The following AASS variants were observed in gnomAD, a reference collection of about 807,000 sequenced individuals.
AASS encodes alpha-aminoadipic semialdehyde synthase, mitochondrial.
A neutral mutation model predicts 105.4 loss-of-function variants in AASS; 86 were observed. The observed-to-expected ratio is 0.82, with a 90% CI of 0.69 to 0.98. The LOEUF (loss-of-function observed/expected upper bound fraction) is 0.98. Among genes scored for constraint, AASS ranks in the 50% least tolerant of loss-of-function variants. The probability of loss-of-function intolerance (pLI) is 0.00; values close to 1 mark genes in which losing one functional copy is unlikely to be tolerated. For missense variants in AASS, 1,048 were observed against 1,143.2 expected (o/e 0.92, Z 1.20); for synonymous variants, 381 against 394.8 (o/e 0.96, Z 0.41).
chr7:122,076,385 T>C lies in AASS; in HGVS notation c.*104A>G. 3.7e-6 allele frequency: 3 copies of C among 815,870 alleles called. No individual in the cohort carries two copies. Among genetic ancestry groups the C allele is most frequent in the Non-Finnish European group, 4.3e-6 (2 of 462,194 alleles). 50.5% of individuals were successfully genotyped at this position (815,870 alleles called of 1,614,324 possible). On this transcript the variant is annotated 3_prime_UTR_variant, in exon 24 of 24. Transcript: ENST00000417368. ...AAAGTACATTGTGTTAACCAAAACA[T>C]ATTATGCTTTATACTTTAAAACAGC...
chr7:122,121,925 G>T (rs1795456784), intron 4 of AASS, among the ~76,000 whole-genome samples: 1 of 152,030 alleles, frequency 6.6e-6, no homozygotes, highest in Admixed American at 6.6e-5. Context: ...ATTGTCTTTG[G>T]AAATATATTG....
At chr7:122,119,941 G>A (rs945773779) in intron 4 of AASS, among the ~76,000 whole-genome samples, 1 of 152,246 alleles carries the variant, frequency 6.6e-6, no homozygotes, top group African/African-American at 2.4e-5. Flanking sequence ...GGTGGCCCCC[G>A]ATAAAGGTGG....
intron 10 of AASS, 26 bp downstream of exon 10, chr7:122,113,572 T>A: frequency 6.2e-7 from 1 of 1,612,138 alleles, no homozygotes; most frequent in Non-Finnish European, 8.5e-7. Flanking sequence ...GTGAGGAATA[T>A]CATCTAACAA....
At chr7:122,127,064 C>A (rs1584890015) in intron 3 of AASS, among the ~76,000 whole-genome samples, 2 of 152,156 alleles carry the variant, frequency 1.3e-5, no homozygotes, top group Admixed American at 6.5e-5. Context: ...TCCTTCTCCT[C>A]TCTTTTTCTT....
Position 122,098,518 on chromosome 7 carries a change from AACAGGATTAATATT to A in AASS, c.1573_1586del (p.Asn525Ter). The A allele has an allele frequency of 6.2e-7, 1 of 1,611,418 alleles. No individual in the cohort carries two copies. Among genetic ancestry groups the A allele is most frequent in the Non-Finnish European group, 8.5e-7 (1 of 1,178,156 alleles). On this transcript the variant is annotated frameshift_variant, in exon 15 of 24. Coordinates refer to ENST00000417368, the MANE Select transcript of AASS (RefSeq NM_005763.4). LOFTEE classifies it high-confidence loss of function. Reference sequence around the variant, plus strand: ...CTTCTTGTTTACAAATGTCCATGCTAACAGGATTAATATTATATTTCTTGCCTAACTGTTCAATT... The same window carrying A: ...CTTCTTGTTTACAAATGTCCATGCTAATATTTCTTGCCTAACTGTTCAATT...
chr7:122,101,407 T>A lies in AASS; in HGVS notation c.1370A>T (p.Asp457Val), dbSNP rs753077687. Residue 457 changes from aspartate to valine, a missense_variant, in exon 13 of 24, where the codon GAT (aspartate) becomes GTT (valine). Transcript: ENST00000417368. ...GAGTGTCTGGATATATTTATATTTA[T>A]CAGGTAATGTACCGTTGGATGTAAT... is the stretch of plus-strand genomic sequence containing the variant. ...AVITSNGTLP[D>V]KYKYIQTLRE... 14 of 1,610,310 alleles carry A rather than the reference T, an allele frequency of 8.7e-6. No homozygotes were observed. Among genetic ancestry groups the A allele is most frequent in the Non-Finnish European group, 1.2e-5 (14 of 1,177,208 alleles).
At chr7:122,087,472 G>C (rs1180635272) in intron 18 of AASS, among the ~76,000 whole-genome samples, 1 of 152,158 alleles carries the variant, frequency 6.6e-6, no homozygotes, top group Non-Finnish European at 1.5e-5. Flanking sequence ...CTACTAGACT[G>C]CAGAGTAAAC....
rs1280977000 is a variant in AASS, at chr7:122,133,701, A to T, written c.26T>A (p.Leu9Gln). Residue 9 changes from leucine (L) to glutamine (Q), a missense_variant, in exon 2 of 24, where the codon CTG becomes CAG. Transcript: ENST00000417368. MLQVHRTG[L>Q]GRLGVSLSKG... Reference sequence around the variant, plus strand: ...GGAGAGGCTGACCCCCAGCCTGCCCAGTCCAGTCCTATGTACTTGCAGCAT... The same window carrying T: ...GGAGAGGCTGACCCCCAGCCTGCCCTGTCCAGTCCTATGTACTTGCAGCAT... 2 of 1,614,190 alleles carry T rather than the reference A, an allele frequency of 1.2e-6. No homozygotes were observed. Among genetic ancestry groups the T allele is most frequent in the Non-Finnish European group, 1.7e-6 (2 of 1,180,044 alleles).
intron 3 of AASS, among the ~76,000 whole-genome samples, chr7:122,127,722 C>A (rs1325620342): frequency 6.6e-6 from 1 of 152,066 alleles, no homozygotes; most frequent in African/African-American, 2.4e-5. Context: ...CCCTCCAATC[C>A]TCTGCCCTAA....
In AASS at chr7:122,088,785, A is replaced by G. The variant is rs139111147; in HGVS notation, c.2017-2606T>C. Among the ~76,000 whole-genome samples, 16 of 152,172 alleles carry G rather than the reference A, an allele frequency of 1.1e-4. No individual in the cohort carries two copies. The East Asian group carries it at 3.1e-3, about 30-fold the overall frequency. ...ATGTTTTGCCAGGTTAGACTGGGAA[A>G]CACTGCAGAAGATGATGGCAAAGCT... is the stretch of plus-strand genomic sequence containing the variant. On this transcript the variant is annotated intron_variant, in intron 18 of 23. Transcript: ENST00000417368.
Position 122,115,139 on chromosome 7 carries a change from CTG to C in AASS, c.976_977del (p.Gln326GlufsTer28), listed in dbSNP as rs587777123. On this transcript the variant is annotated frameshift_variant, in exon 9 of 24. Transcript: ENST00000417368. LOFTEE classifies it high-confidence loss of function. ...AGAACTTGCCCGGAGCCAGGAGACT[CTG>C]AGCATCTTGGCGGGTTAGGAGGCGA... The part of the protein sequence containing the change: ...TPRLLTRQDA[Q>X]SLLAPGKFSP... 2 of 1,614,174 alleles carry C rather than the reference CTG, an allele frequency of 1.2e-6. No homozygotes were observed.
intron 8 of AASS, among the ~76,000 whole-genome samples, chr7:122,115,506 A>G (rs1206952342): frequency 6.6e-6 from 1 of 152,158 alleles, no homozygotes; most frequent in African/African-American, 2.4e-5. Context: ...AAGGACAAAA[A>G]CAAAACAAAC....
rs182639322 is a variant in AASS at position 122,094,752 on chromosome 7, T to G, written c.1656-1594A>C. Among the ~76,000 whole-genome samples, 7 of 152,172 alleles carry G rather than the reference T, an allele frequency of 4.6e-5. No homozygotes were observed. The East Asian group carries it at 1.4e-3, about 30-fold the overall frequency. On this transcript the variant is annotated intron_variant, in intron 15 of 23. Transcript: ENST00000417368. Reference sequence around the variant, plus strand: ...GAGCTTTGAGTACAGCATCATCTGTTGTTCACCCTGTGGATTTTTAGCCAT... The same window carrying G: ...GAGCTTTGAGTACAGCATCATCTGTGGTTCACCCTGTGGATTTTTAGCCAT...
chr7:122,082,935 G>T, intron 19 of AASS: 1 of 1,145,708 alleles, frequency 8.7e-7, no homozygotes, highest in Non-Finnish European at 1.2e-6. Context: ...CTGAATAATA[G>T]ATGAAGTGAA....
In AASS at chr7:122,078,714, C is replaced by A. The variant is rs937296678; in HGVS notation, c.2485+148G>T. On this transcript the variant is annotated intron_variant, in intron 22 of 23. Transcript: ENST00000417368. ...TACCTAATAATTCTCAAATTCCTCC[C>A]TCTGGAAAAATAGTCCAATTGCCCT... The A allele has an allele frequency of 3.0e-5, 22 of 733,606 alleles. No homozygotes were observed. In the African/African-American group the frequency reaches 3.8e-4, roughly 13 times the overall value. The allele number at this position is 733,606 out of a possible 1,614,324, so 45.4% of individuals were successfully genotyped here.
rs1174658424 is a variant in AASS at position 122,098,545 on chromosome 7, T to A, written c.1560A>T (p.Leu520Phe). The change falls in exon 15 of 24, where the codon TTA (leucine) becomes TTT (phenylalanine). Residue 520 changes from leucine (L) to phenylalanine (F), a missense_variant. Coordinates refer to ENST00000417368, the MANE Select transcript of AASS (RefSeq NM_005763.4). ...CAGGATTAATATTATATTTCTTGCC[T>A]AACTGTTCAATTTGATTCTTCATGT... Reference protein sequence around the residue: ...GSDMKNQIEQLGKKYNINPVS... With the variant: ...GSDMKNQIEQFGKKYNINPVS... 1.9e-6 allele frequency: 3 copies of A among 1,610,412 alleles called. No individual in the cohort carries two copies. The highest frequency in any genetic ancestry group is 2.5e-6 in the Non-Finnish European group (3 of 1,177,570).
chr7:122,133,690 C>G lies in AASS; in HGVS notation c.37G>C (p.Gly13Arg), dbSNP rs149272323. ...QVHRTGLGRL[G>R]VSLSKGLHHK... is the part of the protein sequence containing the mutation. ...TGAAGACCCTTGGAGAGGCTGACCC[C>G]CAGCCTGCCCAGTCCAGTCCTATGT... The change falls in exon 2 of 24, where the codon GGG (glycine) becomes CGG (arginine). Residue 13 changes from glycine (G) to arginine (R), a missense_variant. By Grantham distance (125) the Gly-to-Arg change is moderately radical. Coordinates refer to ENST00000417368, the MANE Select transcript of AASS (RefSeq NM_005763.4). 1.4e-3 allele frequency: 2,218 copies of G among 1,614,130 alleles called. 3 individuals are homozygous for G. Among genetic ancestry groups the G allele is most frequent in the Non-Finnish European group, 1.6e-3 (1,924 of 1,180,030 alleles).
chr7:122,092,482 T>C (rs1793950474), intron 17 of AASS, among the ~76,000 whole-genome samples: 1 of 152,120 alleles, frequency 6.6e-6, no homozygotes. Context: ...TTAAAATTTC[T>C]GGGAGGCTGA....
At chr7:122,112,797 T>C (rs1794997133) in intron 11 of AASS, among the ~76,000 whole-genome samples, 1 of 152,162 alleles carries the variant, frequency 6.6e-6, no homozygotes, top group Non-Finnish European at 1.5e-5. Flanking sequence ...AGTGCCCCAA[T>C]ATGAACTGAC....
Sources: allele counts gnomAD v4.1 joint callset (sites outside exome capture counted in the v4.1 genomes callset), GRCh38; gene constraint gnomAD v4.1.1; transcripts MANE v1.5; gene names NCBI Gene and HGNC (gene_info 2026-07-23, HGNC 2026-07-21).